Variants in PCDHGB5 observed in about 807,000 individuals in gnomAD.
PCDHGB5 encodes protocadherin gamma-B5.
PCDHGB5 carries 48 observed loss-of-function variants against 62.9 expected under a neutral mutation model. The ratio of observed to expected loss-of-function variants is 0.76; its 90% CI spans 0.61 to 0.97. The LOEUF is 0.97. PCDHGB5 is among the 50% of genes least tolerant of loss of function. The pLI, the probability that PCDHGB5 is intolerant of heterozygous loss-of-function variation, is 0.00. For missense variants in PCDHGB5, 1,118 were observed against 1,198.6 expected, an observed-to-expected ratio of 0.93 and a Z score of 0.99; for synonymous variants, 474 against 511.2, an observed-to-expected ratio of 0.93 and a Z score of 0.98.
Position 141,398,274 on chromosome 5 carries a change from C to G in PCDHGB5, c.147C>G (p.Asn49Lys), listed in dbSNP as rs1323516270. The change falls in exon 1 of 4, where the codon AAC (asparagine) becomes AAG (lysine). Residue 49 changes from asparagine to lysine, a missense_variant. Asn to Lys is a moderately conservative substitution (Grantham distance 94, BLOSUM62 0). Around this residue, in one of 2 missense-constraint regions of PCDHGB5, gnomAD observed 84 missense variants for 169.5 expected, o/e 0.50. Transcript: ENST00000617380. ...TGCCCAAGGGCTCCGTAGTGGGGAACCTCGCCACGGACCTGGGGTTCAGCG... is the reference window on the plus strand; with the variant it reads ...TGCCCAAGGGCTCCGTAGTGGGGAAGCTCGCCACGGACCTGGGGTTCAGCG... ...EEMPKGSVVG[N>K]LATDLGFSVQ... 7.1e-7 allele frequency: 1 copy of G among 1,416,776 alleles called. No homozygotes were observed. The highest frequency in any genetic ancestry group is 1.5e-5 in the African/African-American group (1 of 68,856). 87.8% of individuals were successfully genotyped at this position (1,416,776 alleles called of 1,614,324 possible). A position where few individuals can be genotyped will look rare whatever the true frequency, so the allele number is the denominator to read the frequency against.
At chr5:141,426,013 T>C (rs2096909409) in intron 1 of PCDHGB5, among the ~76,000 whole-genome samples, 1 of 152,144 alleles carries the variant, frequency 6.6e-6, no homozygotes, top group Admixed American at 6.5e-5. Flanking sequence ...CCGGCTGCAG[T>C]TTTCTAAATA....
chr5:141,418,840 C>G, intron 1 of PCDHGB5: 1 of 1,614,006 alleles, frequency 6.2e-7, no homozygotes. Flanking sequence ...GAGGATCTCT[C>G]TCAACACGGT....
intron 1 of PCDHGB5, chr5:141,433,139 T>G: frequency 6.2e-7 from 1 of 1,614,068 alleles, no homozygotes; most frequent in Non-Finnish European, 8.5e-7. Context: ...CCTTTTGCTG[T>G]CAGGTGATTC....
At chr5:141,408,697 C>T (rs58047392) in intron 1 of PCDHGB5, 227,396 of 1,612,898 alleles carry the variant, frequency 0.14, 18,149 homozygotes, top group African/African-American at 0.31. Context: ...TAAACATAAA[C>T]TCAATTAAAG....
At chr5:141,418,863 TAG>T (rs1165304037) in intron 1 of PCDHGB5, 1 of 1,613,990 alleles carries the variant, frequency 6.2e-7, no homozygotes, top group Non-Finnish European at 8.5e-7. Context: ...AAAGTAATTG[TAG>T]AAGTTGTAGA....
chr5:141,490,321 G>C lies in PCDHGB5; in HGVS notation c.2398-4486G>C. On this transcript the variant is annotated intron_variant, in intron 1 of 3. Coordinates refer to ENST00000617380, the MANE Select transcript of PCDHGB5 (RefSeq NM_018925.3). The surrounding 1 kb of genome is among the most constrained non-coding windows in gnomAD (Gnocchi z 5.4). ...GGCCTCTTTGGCCAACCCTGTCCTA[G>C]AGAGCACACCAGTGGGCACAGTAGT... 1.2e-6 allele frequency: 2 copies of C among 1,614,220 alleles called. No homozygotes were observed. The highest frequency in any genetic ancestry group is 1.7e-6 in the Non-Finnish European group (2 of 1,180,044).
intron 1 of PCDHGB5, chr5:141,419,776 C>T (rs965350189): frequency 1.2e-6 from 2 of 1,614,026 alleles, no homozygotes; most frequent in Admixed American, 1.7e-5. Context: ...ACTCGGTCCG[C>T]CAGCGCCTGC....
Position 141,431,877 on chromosome 5 carries a change from A to G in PCDHGB5, c.2397+31353A>G. On this transcript the variant is annotated intron_variant, in intron 1 of 3. Coordinates refer to ENST00000617380, the MANE Select transcript of PCDHGB5 (RefSeq NM_018925.3). The surrounding 1 kb of genome is among the most constrained non-coding windows in gnomAD (Gnocchi z 4.8). ...TTAATTGCCCTTTTAAATGTAAATG[A>G]CCAAGATTCTGAGGAAAACGGACAG... is the stretch of plus-strand genomic sequence containing the variant. 8 of 1,614,230 alleles carry G rather than the reference A, an allele frequency of 5.0e-6. No individual in the cohort carries two copies. Among genetic ancestry groups the G allele is most frequent in the Non-Finnish European group, 6.8e-6 (8 of 1,180,016 alleles).
intron 1 of PCDHGB5, chr5:141,478,305 C>A (rs775282798): frequency 1.2e-6 from 2 of 1,613,974 alleles, no homozygotes; most frequent in Non-Finnish European, 8.5e-7. Flanking sequence ...TACCGAGCCC[C>A]GGTGAGCTCA....
rs962136728 is a variant in PCDHGB5 at position 141,491,524 on chromosome 5, G to A, written c.2398-3283G>A. 1 of 1,613,960 alleles carries A rather than the reference G, an allele frequency of 6.2e-7. No homozygotes were observed. The highest frequency in any genetic ancestry group is 1.3e-5 in the African/African-American group (1 of 74,936). On this transcript the variant is annotated intron_variant, in intron 1 of 3. Coordinates refer to ENST00000617380, the MANE Select transcript of PCDHGB5 (RefSeq NM_018925.3). The surrounding 1 kb of genome is among the most constrained non-coding windows in gnomAD (Gnocchi z 6.9). ...GGACGGCACGCTCAAGTACATGGAG[G>A]TGACGCTGCGGCCCACAGACTCGCA...
At chr5:141,447,011 C>T (rs1213312322) in intron 1 of PCDHGB5, among the ~76,000 whole-genome samples, 1 of 143,918 alleles carries the variant, frequency 6.9e-6, no homozygotes. Flanking sequence ...TCCTAGTGTT[C>T]AGTTTTGTTT....
chr5:141,455,690 C>A (rs1209152869), intron 1 of PCDHGB5, among the ~76,000 whole-genome samples: 1 of 152,064 alleles, frequency 6.6e-6, no homozygotes, highest in East Asian at 1.9e-4. Context: ...CTGTGGGAAT[C>A]GCCAAGTTGA....
chr5:141,398,604 T>A lies in PCDHGB5; in HGVS notation c.477T>A (p.Asp159Glu). The change falls in exon 1 of 4, where the codon GAT becomes GAA. Residue 159 changes from aspartate (D) to glutamate (E), a missense_variant. By Grantham distance (45) the Asp-to-Glu change is conservative. Transcript: ENST00000617380. ...GTRFILEVAE[D>E]ADIGLNSLQK... ...GATTTATACTAGAAGTAGCAGAAGATGCAGATATTGGCTTAAACTCTCTGC... is the reference window on the plus strand; with the variant it reads ...GATTTATACTAGAAGTAGCAGAAGAAGCAGATATTGGCTTAAACTCTCTGC... 6.2e-7 allele frequency: 1 copy of A among 1,614,048 alleles called. No homozygotes were observed. The highest frequency in any genetic ancestry group is 8.5e-7 in the Non-Finnish European group (1 of 1,179,900).
intron 1 of PCDHGB5, chr5:141,478,679 C>T (rs1247027395): frequency 3.2e-6 from 5 of 1,551,382 alleles, no homozygotes; most frequent in East Asian, 2.4e-5. Flanking sequence ...TCAACTGGCC[C>T]TTCCTAGATC....
intron 3 of PCDHGB5, among the ~76,000 whole-genome samples, chr5:141,506,799 A>G (rs1026030023): frequency 5.3e-5 from 8 of 152,198 alleles, no homozygotes; most frequent in Admixed American, 3.9e-4. Flanking sequence ...CTGGCAGAGG[A>G]TCAAGGCATT....
intron 1 of PCDHGB5, chr5:141,405,320 C>A (rs1183399090): frequency 6.2e-7 from 1 of 1,614,188 alleles, no homozygotes; most frequent in South Asian, 1.1e-5. Flanking sequence ...GAAAAATGAG[C>A]CTTTGTGCGT....
intron 1 of PCDHGB5, chr5:141,414,950 TGACCAA>T (rs778670321): frequency 6.2e-7 from 1 of 1,614,030 alleles, no homozygotes; most frequent in South Asian, 1.1e-5. Context: ...GGCTACCTGG[TGACCAA>T]GGTGGTGGCG....
intron 1 of PCDHGB5, chr5:141,423,382 C>A (rs1244632347): frequency 6.2e-7 from 1 of 1,614,118 alleles, no homozygotes; most frequent in Admixed American, 1.7e-5. Context: ...CAGGCTGTGG[C>A]GCTGGCATAA....
At position 141,511,519 on chromosome 5, in the gene PCDHGB5, C is replaced by A; in HGVS notation, c.*346C>A. On this transcript the variant is annotated 3_prime_UTR_variant, in exon 4 of 4. Transcript: ENST00000617380. ...CCAAATCAATCAGGCCCATCCATCC[C>A]ATGCCTCCCTCCTCCCCACCCCACT... 2.7e-6 allele frequency: 1 copy of A among 367,516 alleles called. No individual in the cohort carries two copies. The highest frequency in any genetic ancestry group is 2.7e-5 in the South Asian group (1 of 36,848). 22.8% of individuals were successfully genotyped at this position (367,516 alleles called of 1,614,324 possible). A position where few individuals can be genotyped will look rare whatever the true frequency, so the allele number is the denominator to read the frequency against.
Sources: allele counts gnomAD v4.1 joint callset (sites outside exome capture counted in the v4.1 genomes callset), GRCh38; gene constraint gnomAD v4.1.1; regional missense constraint gnomAD v4.1.1; non-coding constraint Gnocchi (gnomAD v3.1); transcripts MANE v1.5; gene names NCBI Gene and HGNC (gene_info 2026-07-23, HGNC 2026-07-21).